The following MSRA variants were observed in gnomAD, a reference collection of about 807,000 sequenced individuals.
MSRA encodes methionine sulfoxide reductase A.
In MSRA, 54 loss-of-function variants were observed where a neutral mutation model predicts 31.3. The observed-to-expected ratio is 1.73, with a 90% CI of 1.39 to 2.17. MSRA has a LOEUF of 2.17. MSRA is among the 30% of genes most tolerant of loss of function. MSRA has a pLI of 0.00. For missense variants in MSRA, 507 were observed against 300.9 expected, an observed-to-expected ratio of 1.69 and a Z score of -5.07; for synonymous variants, 169 against 116.5, an observed-to-expected ratio of 1.45 and a Z score of -2.90.
At chr8:10,363,413 C>G (rs373421613) in intron 5 of MSRA, among the ~76,000 whole-genome samples, 1 of 152,238 alleles carries the variant, frequency 6.6e-6, no homozygotes, top group African/African-American at 2.4e-5. Flanking sequence ...GACCTCCCGT[C>G]CAAATTTACC....
At chr8:10,135,551 C>T (rs958720069) in intron 1 of MSRA, among the ~76,000 whole-genome samples, 3 of 152,078 alleles carry the variant, frequency 2.0e-5, no homozygotes, top group Non-Finnish European at 4.4e-5. Flanking sequence ...ATTTAATATA[C>T]ATGATGACAC....
intron 1 of MSRA, among the ~76,000 whole-genome samples, chr8:10,063,954 T>G (rs562608865): frequency 1.4e-4 from 21 of 152,326 alleles, no homozygotes; most frequent in Non-Finnish European, 2.8e-4. Context: ...CTGCCGCCCC[T>G]TGGGGCTGTT....
intron 1 of MSRA, among the ~76,000 whole-genome samples, chr8:10,204,168 C>G (rs1808742047): frequency 6.6e-6 from 1 of 151,998 alleles, no homozygotes; most frequent in African/African-American, 2.4e-5. Flanking sequence ...GTTATTACAA[C>G]AGTCGAAAAG....
Position 10,335,250 on chromosome 8 carries a change from G to GTTTTTTTT in MSRA, c.543+15277_543+15284dup, listed in dbSNP as rs1170264568. On this transcript the variant is annotated intron_variant, in intron 5 of 5. Coordinates refer to ENST00000317173, the MANE Select transcript of MSRA (RefSeq NM_012331.5). ...TTCACCCTTAACACCTCCCAGCTCT[G>GTTTTTTTT]TTTTTTTTTTTTTTTTTTTTTTTGT... Among the ~76,000 whole-genome samples, 218 of 79,846 alleles carry GTTTTTTTT rather than the reference G, an allele frequency of 2.7e-3. 2 individuals carry two copies. The highest frequency in any genetic ancestry group is 3.7e-3 in the Non-Finnish European group (166 of 45,008). The allele number at this position is 79,846 out of a possible 152,430, so 52.4% of individuals were successfully genotyped here.
Position 10,135,664 on chromosome 8 carries a change from C to T in MSRA, c.143-72169C>T, listed in dbSNP as rs77538809. On this transcript the variant is annotated intron_variant, in intron 1 of 5. Coordinates refer to ENST00000317173, the MANE Select transcript of MSRA (RefSeq NM_012331.5). ...ATGAAAGCAACATTCTGTGCATTCG[C>T]GTGCCCCTATGCTAAATATACTTAG... 6.6e-5 allele frequency among the ~76,000 whole-genome samples: 10 copies of T among 152,276 alleles called. No homozygotes were observed. The East Asian group carries it at 1.5e-3, about 23-fold the overall frequency.
At chr8:10,058,969 T>C (rs1025188897) in intron 1 of MSRA, 3 of 152,194 alleles carry the variant, frequency 2.0e-5, no homozygotes, top group African/African-American at 7.2e-5. Context: ...TTGGCCTACT[T>C]TGAATGATAG....
intron 5 of MSRA, among the ~76,000 whole-genome samples, chr8:10,363,256 C>T (rs1041811323): frequency 1.3e-5 from 2 of 152,212 alleles, no homozygotes; most frequent in African/African-American, 4.8e-5. Context: ...GAACCAAGTT[C>T]TTTGGCAACT....
rs1467440154 is a variant in MSRA at position 10,113,289 on chromosome 8, C to CTTTTTTTTTTTTTTTTTTTTTTTTT, written c.142+58633_142+58634insTTTTTTTTTTTTTTTTTTTTTTTTT. Among the ~76,000 whole-genome samples, 13 of 50,904 alleles carry CTTTTTTTTTTTTTTTTTTTTTTTTT rather than the reference C, an allele frequency of 2.6e-4. 1 individual carries two copies. The highest frequency in any genetic ancestry group is 6.1e-4 in the East Asian group (1 of 1,650). 33.4% of individuals were successfully genotyped at this position (50,904 alleles called of 152,430 possible). On this transcript the variant is annotated intron_variant, in intron 1 of 5. Transcript: ENST00000317173. ...AGGCATGGCTTTGGTGAAGACAGGT[C>CTTTTTTTTTTTTTTTTTTTTTTTTT]TTCTTTTTTTTTTTTTTTTTTTTTT... is the stretch of plus-strand genomic sequence containing the variant.
intron 4 of MSRA, among the ~76,000 whole-genome samples, chr8:10,314,749 G>A (rs1389294360): frequency 6.6e-6 from 1 of 152,182 alleles, no homozygotes; most frequent in Admixed American, 6.5e-5. Context: ...AGGGTAGAAT[G>A]TATAAATCCA....
At chr8:10,228,105 C>T (rs1031588268) in intron 2 of MSRA, among the ~76,000 whole-genome samples, 3 of 152,082 alleles carry the variant, frequency 2.0e-5, no homozygotes, top group African/African-American at 7.2e-5. Context: ...GTGTCCGTGG[C>T]CAGGGTCTGG....
chr8:10,385,337 C>T (rs117246816), intron 5 of MSRA, among the ~76,000 whole-genome samples: 24 of 152,156 alleles, frequency 1.6e-4, no homozygotes, highest in East Asian at 3.8e-4. Flanking sequence ...AATTGGACAA[C>T]GCAGGGACAA....
intron 3 of MSRA, among the ~76,000 whole-genome samples, chr8:10,294,103 C>G (rs1178265984): frequency 6.6e-6 from 1 of 152,162 alleles, no homozygotes; most frequent in East Asian, 1.9e-4. Context: ...ACTTAGGAGG[C>G]TGAGGCAGAA....
chr8:10,169,710 T>G (rs1407886349), intron 1 of MSRA, among the ~76,000 whole-genome samples: 1 of 152,250 alleles, frequency 6.6e-6, no homozygotes, highest in African/African-American at 2.4e-5. Flanking sequence ...CATTTCATTT[T>G]GTCTGATGCT....
At chr8:10,068,724 C>G (rs771673511) in intron 1 of MSRA, among the ~76,000 whole-genome samples, 6 of 152,198 alleles carry the variant, frequency 3.9e-5, no homozygotes, top group Non-Finnish European at 8.8e-5. Flanking sequence ...GGTTCTCTGA[C>G]TTTGTTCTTC....
intron 5 of MSRA, among the ~76,000 whole-genome samples, chr8:10,415,670 C>T (rs1239680122): frequency 6.6e-6 from 1 of 152,112 alleles, no homozygotes; most frequent in East Asian, 1.9e-4. Context: ...GCCCACCTTT[C>T]CAGTTTATCC....
At chr8:10,201,973 C>G (rs7845503) in intron 1 of MSRA, among the ~76,000 whole-genome samples, 81,194 of 152,132 alleles carry the variant, frequency 0.53, 22,987 homozygotes, top group African/African-American at 0.75. Flanking sequence ...GGCACCCACT[C>G]TGCTATGGCT....
chr8:10,071,991 C>T (rs562757352), intron 1 of MSRA, among the ~76,000 whole-genome samples: 27 of 152,210 alleles, frequency 1.8e-4, no homozygotes, highest in African/African-American at 4.6e-4. Context: ...CGTGGCTGCC[C>T]GTACGGGGTG....
At chr8:10,262,980 C>G (rs886734425) in intron 3 of MSRA, among the ~76,000 whole-genome samples, 4 of 152,208 alleles carry the variant, frequency 2.6e-5, no homozygotes, top group African/African-American at 7.2e-5. Flanking sequence ...GGTCCCTTGA[C>G]TTCCTGCAAG....
At chr8:10,336,859 A>G (rs985619723) in intron 5 of MSRA, 1 of 152,234 alleles carries the variant, frequency 6.6e-6, no homozygotes, top group East Asian at 1.9e-4. Flanking sequence ...CGTTTGCTGC[A>G]AACACAGTCT....
Sources: allele counts gnomAD v4.1 joint callset (sites outside exome capture counted in the v4.1 genomes callset), GRCh38; gene constraint gnomAD v4.1.1; transcripts MANE v1.5; gene names NCBI Gene and HGNC (gene_info 2026-07-23, HGNC 2026-07-21).